Variants in MYH4 observed in about 807,000 individuals in gnomAD.
MYH4 encodes myosin heavy chain 4.
A neutral mutation model predicts 229.9 loss-of-function variants in MYH4; 200 were observed. That is an observed-to-expected ratio of 0.87 (90% CI 0.78 to 0.98). The LOEUF is 0.98. Ranked by LOEUF, MYH4 falls within the 50% of genes least tolerant of loss-of-function variation. MYH4 has a pLI of 0.00. For missense variants in MYH4, 2,148 were observed against 2,332.6 expected, an observed-to-expected ratio of 0.92 and a Z score of 1.63; for synonymous variants, 761 against 834.6, an observed-to-expected ratio of 0.91 and a Z score of 1.52.
intron 4 of MYH4, 71 bp downstream of exon 4, chr17:10,466,202 C>T: frequency 1.3e-6 from 2 of 1,551,534 alleles, no homozygotes; most frequent in Non-Finnish European, 1.8e-6. Flanking sequence ...GTATTGAAAC[C>T]CCTTAATTTA....
At chr17:10,456,277 G>A (rs2072637344) in intron 17 of MYH4, among the ~76,000 whole-genome samples, 1 of 152,140 alleles carries the variant, frequency 6.6e-6, no homozygotes, top group Non-Finnish European at 1.5e-5. Context: ...CATAAAGATT[G>A]ATGTGAAGAG....
In MYH4 at chr17:10,452,671, A is replaced by T; in HGVS notation, c.3257+116T>A. ...GTTTAATTAAATAAAAAGGTCAAAG[A>T]TGTCATTATTTTTTTCCATATGTCA... On this transcript the variant is annotated intron_variant, in intron 25 of 39. Coordinates refer to ENST00000255381, the MANE Select transcript of MYH4 (RefSeq NM_017533.2). 6.8e-6 allele frequency: 9 copies of T among 1,333,034 alleles called. No individual in the cohort carries two copies. In the Admixed American group the frequency reaches 1.1e-4, roughly 17 times the overall value. The allele number at this position is 1,333,034 out of a possible 1,614,324, so 82.6% of individuals were successfully genotyped here.
At position 10,457,458 on chromosome 17, in the gene MYH4, A is replaced by T; in HGVS notation, c.1859T>A (p.Leu620Gln). The T allele has an allele frequency of 6.2e-7, 1 of 1,612,482 alleles. No individual in the cohort carries two copies. The highest frequency in any genetic ancestry group is 8.5e-7 in the Non-Finnish European group (1 of 1,178,900). The change falls in exon 16 of 40, where the codon CTG becomes CAG. Residue 620 changes from leucine to glutamine, a missense_variant. By Grantham distance (113) the Leu-to-Gln change is moderately radical. Coordinates refer to ENST00000255381, the MANE Select transcript of MYH4 (RefSeq NM_017533.2). ...TTGTGCCCCAGAGAAGAGGAAAGCC[A>T]GAGTCTTCATTGCAGACTTCTGGTA... ...GLYQKSAMKTLAFLFSGAQTA... is the reference protein window; with the variant it reads ...GLYQKSAMKTQAFLFSGAQTA...
At position 10,450,608 on chromosome 17, in the gene MYH4, A is replaced by G. The variant is rs754303548; in HGVS notation, c.4026T>C (p.His1342=). ...ACTGTTCCCGCAGCAGGTCACAGTCATGGCGGGCTGACTGCAGGGCATGGG... is the reference window on the plus strand; with the variant it reads ...ACTGTTCCCGCAGCAGGTCACAGTCGTGGCGGGCTGACTGCAGGGCATGGG... ...TLAHALQSAR[H]DCDLLREQYE... is the part of the protein sequence containing the mutation. The change falls in exon 30 of 40, where the codon CAT becomes CAC. Residue 1342 remains histidine, a synonymous_variant. Transcript: ENST00000255381. 6.2e-7 allele frequency: 1 copy of G among 1,614,202 alleles called. No homozygotes were observed. Among genetic ancestry groups the G allele is most frequent in the East Asian group, 2.2e-5 (1 of 44,896 alleles).
At chr17:10,444,067 A>G (rs1216539747) in intron 39 of MYH4, among the ~76,000 whole-genome samples, 1 of 152,208 alleles carries the variant, frequency 6.6e-6, no homozygotes, top group African/African-American at 2.4e-5. Flanking sequence ...CAAACTGAAG[A>G]GGCTGCAGTG....
In MYH4 at chr17:10,464,674, T is replaced by C; in HGVS notation, c.533+7A>G. 1.2e-6 allele frequency: 2 copies of C among 1,613,840 alleles called. No homozygotes were observed. The highest frequency in any genetic ancestry group is 1.7e-6 in the Non-Finnish European group (2 of 1,179,770). On this transcript the variant is annotated splice_region_variant and intron_variant, in intron 6 of 39. Transcript: ENST00000255381. ...AAAACAGAAAGAAAGTAACGAAATC[T>C]ACATACGTAATCAAGATTGACTGGT...
chr17:10,461,445 C>A (rs1025773980), intron 11 of MYH4, among the ~76,000 whole-genome samples: 1 of 152,132 alleles, frequency 6.6e-6, no homozygotes, highest in African/African-American at 2.4e-5. Flanking sequence ...TCTCCAGTCT[C>A]ACGAGTCTCT....
rs371883916 is a variant in MYH4, at chr17:10,463,656, G to T, written c.649-13C>A. 1.9e-5 allele frequency: 29 copies of T among 1,561,918 alleles called. No individual in the cohort carries two copies. Among genetic ancestry groups the T allele is most frequent in the African/African-American group, 2.8e-5 (2 of 72,510 alleles). On this transcript the variant is annotated splice_polypyrimidine_tract_variant and intron_variant, in intron 7 of 39. Transcript: ENST00000255381. Reference sequence around the variant, plus strand: ...CTTCAAGGGTCCCCTTAAGAGAAATGAATAAGACAGACAAAGAAAAAAGTT... The same window carrying T: ...CTTCAAGGGTCCCCTTAAGAGAAATTAATAAGACAGACAAAGAAAAAAGTT...
intron 2 of MYH4, among the ~76,000 whole-genome samples, chr17:10,468,197 G>C (rs1234853214): frequency 6.6e-6 from 1 of 152,126 alleles, no homozygotes; most frequent in East Asian, 1.9e-4. Flanking sequence ...TTCTGTGTTT[G>C]TTTTTACACC....
In MYH4 at chr17:10,463,540, A is replaced by G; in HGVS notation, c.741+11T>C. 6.2e-7 allele frequency: 1 copy of G among 1,608,506 alleles called. No individual in the cohort carries two copies. The highest frequency in any genetic ancestry group is 8.5e-7 in the Non-Finnish European group (1 of 1,175,098). ...GCTGATCCTCAAGAAAATGAAGATC[A>G]AGAGACTTACAAAGCGAGAGGAGTT... On this transcript the variant is annotated intron_variant, in intron 8 of 39. Transcript: ENST00000255381.
At position 10,443,571 on chromosome 17, in the gene MYH4, T is replaced by C. The variant is rs1394779911; in HGVS notation, c.5668-44A>G. On this transcript the variant is annotated intron_variant, in intron 39 of 39. Transcript: ENST00000255381. The surrounding 1 kb of genome is among the most constrained non-coding windows in gnomAD (Gnocchi z 4.6). ...TTGAGATAACAAGAAAATTGGACAT[T>C]TCCTGATTGTTATTGCTTTTGTTAC... 6.4e-7 allele frequency: 1 copy of C among 1,570,822 alleles called. No individual in the cohort carries two copies. Among genetic ancestry groups the C allele is most frequent in the African/African-American group, 1.4e-5 (1 of 73,474 alleles).
chr17:10,460,163 T>C lies in MYH4; in HGVS notation c.1266+40A>G, dbSNP rs200238959. On this transcript the variant is annotated intron_variant, in intron 13 of 39. Transcript: ENST00000255381. Reference sequence around the variant, plus strand: ...AAACAGTGATGAACTCCTGAGTCACTTGCGGTTCAAATAAATCAGACAATT... The same window carrying C: ...AAACAGTGATGAACTCCTGAGTCACCTGCGGTTCAAATAAATCAGACAATT... The C allele has an allele frequency of 1.2e-3, 1,907 of 1,613,408 alleles. 3 individuals carry two copies. The highest frequency in any genetic ancestry group is 1.5e-3 in the Non-Finnish European group (1,774 of 1,179,414).
In MYH4 at chr17:10,452,525, A is replaced by G; in HGVS notation, c.3258-19T>C. 1.2e-6 allele frequency: 2 copies of G among 1,605,130 alleles called. No individual in the cohort carries two copies. Among genetic ancestry groups the G allele is most frequent in the Non-Finnish European group, 1.7e-6 (2 of 1,172,738 alleles). On this transcript the variant is annotated intron_variant, in intron 25 of 39. Coordinates refer to ENST00000255381, the MANE Select transcript of MYH4 (RefSeq NM_017533.2). ...CTCTTTCCTATTAGAAGAGCAACAC[A>G]TTAGCTTATAATCACTTCTCTTACC...
rs936387815 is a variant in MYH4 at position 10,454,799 on chromosome 17, A to T, written c.2447T>A (p.Phe816Tyr). Residue 816 changes from phenylalanine to tyrosine, a missense_variant, in exon 22 of 40, where the codon TTC becomes TAC. Physicochemically the swap from Phe to Tyr is conservative, Grantham distance 22. Transcript: ENST00000255381. Reference sequence around the variant, plus strand: ...AGCACGGATGTTGTACTGAATGCAGAAGATGGACTCTCTGTAGGAAAAGAA... The same window carrying T: ...AGCACGGATGTTGTACTGAATGCAGTAGATGGACTCTCTGTAGGAAAAGAA... ...RKMMERRESI[F>Y]CIQYNIRAFM... 1.2e-6 allele frequency: 2 copies of T among 1,613,902 alleles called. No individual in the cohort carries two copies. Among genetic ancestry groups the T allele is most frequent in the Non-Finnish European group, 1.7e-6 (2 of 1,179,904 alleles).
chr17:10,461,636 T>C (rs1473535263), intron 11 of MYH4, among the ~76,000 whole-genome samples: 1 of 152,076 alleles, frequency 6.6e-6, no homozygotes, highest in Non-Finnish European at 1.5e-5. Flanking sequence ...ACGAGATGCC[T>C]GGGGTAGCAA....
intron 5 of MYH4, among the ~76,000 whole-genome samples, 198 bp downstream of exon 5, chr17:10,465,244 T>C (rs2072748875): frequency 6.6e-6 from 1 of 152,232 alleles, no homozygotes. Context: ...AACTAGTGCT[T>C]AGCATAGAAA....
intron 28 of MYH4, 101 bp from the exon 29 acceptor site, chr17:10,450,996 A>T (rs955712675): frequency 8.7e-6 from 9 of 1,028,872 alleles, no homozygotes; most frequent in African/African-American, 1.6e-5. Context: ...ATATGATGAA[A>T]AAACCCCTCA....
rs2072614739 is a variant in MYH4, at chr17:10,454,444, C to G, written c.2691+111G>C. The G allele has an allele frequency of 4.3e-6, 6 of 1,398,708 alleles. No individual in the cohort carries two copies. The South Asian group carries it at 5.6e-5, about 13-fold the overall frequency. 86.6% of individuals were successfully genotyped at this position (1,398,708 alleles called of 1,614,324 possible). The stretch of plus-strand genomic sequence containing the variant: ...ATCTATTGCTTCTTTATGCCCGAGT[C>G]TTGGTGTTTTTGAACAGCAAACAAT... On this transcript the variant is annotated intron_variant, in intron 22 of 39. Coordinates refer to ENST00000255381, the MANE Select transcript of MYH4 (RefSeq NM_017533.2).
chr17:10,454,667 A>T lies in MYH4; in HGVS notation c.2579T>A (p.Phe860Tyr), dbSNP rs1262987467. The T allele has an allele frequency of 1.2e-6, 2 of 1,613,916 alleles. No individual in the cohort carries two copies. Among genetic ancestry groups the T allele is most frequent in the Admixed American group, 1.7e-5 (1 of 59,994 alleles). ...AGCCAGCTCTTCTTTGGTTTTCTCA[A>T]ATTCTTCCTTCATGTTGGCCATCTC... ...EKEMANMKEE[F>Y]EKTKEELAKT... Residue 860 changes from phenylalanine (F) to tyrosine (Y), a missense_variant, in exon 22 of 40, where the codon TTT becomes TAT. Coordinates refer to ENST00000255381, the MANE Select transcript of MYH4 (RefSeq NM_017533.2).
Sources: gnomAD v4.1 joint callset for allele counts (sites outside exome capture counted in the v4.1 genomes callset) on GRCh38, gnomAD v4.1.1 for gene constraint, Gnocchi (gnomAD v3.1) non-coding constraint, MANE v1.5 for transcripts, NCBI Gene and HGNC (gene_info 2026-07-23, HGNC 2026-07-21) for gene names.